Variants in PEMT observed in about 807,000 individuals in gnomAD.
PEMT encodes phospholipid methyltransferase.
Under a neutral mutation model 27.4 loss-of-function variants are expected in PEMT, and 23 were observed. The observed-to-expected ratio is 0.84, with a 90% CI of 0.60 to 1.19. The LOEUF is 1.19. Among genes scored for constraint, PEMT ranks in the 50% most tolerant of loss-of-function variants. The probability of loss-of-function intolerance (pLI) is 0.00; values close to 1 mark genes in which losing one functional copy is unlikely to be tolerated. For synonymous variants in PEMT, 137 were observed against 139.1 expected, an observed-to-expected ratio of 0.98 and a Z score of 0.11; for missense variants, 307 against 310.1, an observed-to-expected ratio of 0.99 and a Z score of 0.07.
chr17:17,549,822 C>T (rs1299925656), intron 2 of PEMT, among the ~76,000 whole-genome samples: 1 of 152,224 alleles, frequency 6.6e-6, no homozygotes, highest in Non-Finnish European at 1.5e-5. Context: ...GGGGCTGCCA[C>T]AGCTTTTCAG....
intron 1 of PEMT, among the ~76,000 whole-genome samples, chr17:17,578,265 G>T (rs2142747953): frequency 6.6e-6 from 1 of 151,738 alleles, no homozygotes; most frequent in Admixed American, 6.6e-5. Context: ...GAACTCCTGG[G>T]CTCACTTTGG....
At chr17:17,541,964 C>A (rs889152571) in intron 2 of PEMT, among the ~76,000 whole-genome samples, 3 of 152,224 alleles carry the variant, frequency 2.0e-5, no homozygotes, top group African/African-American at 7.2e-5. Context: ...GCACAGCCCA[C>A]CTTCCTCTTT....
At chr17:17,577,080 G>T in intron 1 of PEMT, 53 bp from the exon 2 acceptor site, 1 of 1,365,414 alleles carries the variant, frequency 7.3e-7, no homozygotes, top group South Asian at 1.2e-5. Flanking sequence ...GGGCCTGTGA[G>T]CCCCCAGGAG....
intron 1 of PEMT, 104 bp downstream of exon 1, chr17:17,591,427 T>C: frequency 4.3e-6 from 3 of 693,000 alleles, no homozygotes; most frequent in Admixed American, 3.4e-5. Flanking sequence ...GCCTGGGAAC[T>C]GGCGGCCCCG....
chr17:17,510,498 T>C (rs962170201), intron 4 of PEMT, among the ~76,000 whole-genome samples: 1 of 152,140 alleles, frequency 6.6e-6, no homozygotes, highest in African/African-American at 2.4e-5. Context: ...GTCCAGGAGC[T>C]TCATCACCAT....
chr17:17,591,651 A>ACGCGGGCCCCGCTGCAGC lies in PEMT; in HGVS notation c.-43_-26dup. 1 of 1,601,636 alleles carries ACGCGGGCCCCGCTGCAGC rather than the reference A, an allele frequency of 6.2e-7. No individual in the cohort carries two copies. The highest frequency in any genetic ancestry group is 8.5e-7 in the Non-Finnish European group (1 of 1,174,596). ...TCCGGGGGCCGCCTCAGGAGGCACC[A>ACGCGGGCCCCGCTGCAGC]CGCGGGCCCCGCTGCAGCCACGCGC... On this transcript the variant is annotated 5_prime_UTR_variant, in exon 1 of 7. Transcript: ENST00000255389.
chr17:17,583,318 G>A (rs1428673723), intron 1 of PEMT, among the ~76,000 whole-genome samples: 1 of 152,200 alleles, frequency 6.6e-6, no homozygotes, highest in African/African-American at 2.4e-5. Flanking sequence ...GGAGATTGCA[G>A]TGAGCCGAGA....
intron 5 of PEMT, among the ~76,000 whole-genome samples, chr17:17,509,080 A>G (rs780003590): frequency 1.3e-5 from 2 of 152,280 alleles, no homozygotes; most frequent in Non-Finnish European, 2.9e-5. Context: ...TTTAGGCTTC[A>G]GTGTCTGTAA....
chr17:17,507,429 C>G lies in PEMT; in HGVS notation c.579-1128G>C, dbSNP rs1025191680. 5.2e-6 allele frequency: 3 copies of G among 577,808 alleles called. No individual in the cohort carries two copies. In the African/African-American group the frequency reaches 5.6e-5, roughly 11 times the overall value. 35.8% of individuals were successfully genotyped at this position (577,808 alleles called of 1,614,324 possible). A position where few individuals can be genotyped will look rare whatever the true frequency, so the allele number is the denominator to read the frequency against. On this transcript the variant is annotated intron_variant, in intron 5 of 6. Coordinates refer to ENST00000255389, the MANE Select transcript of PEMT (RefSeq NM_148172.3). ...CACCTGTGGACCCCGTGGGGACCCT[C>G]TGCCCTGCCCACTGCCTTCCACCCC... is the stretch of plus-strand genomic sequence containing the variant.
rs1228430740 is a variant in PEMT at position 17,576,481 on chromosome 17, T to C, written c.204+439A>G. On this transcript the variant is annotated intron_variant, in intron 2 of 6. Transcript: ENST00000255389. ...CCTCATGTGGGAAAAATAACCATGT[T>C]TGTGGAACACACGAGGGGTGGGAGA... Among the ~76,000 whole-genome samples, 3 of 152,200 alleles carry C rather than the reference T, an allele frequency of 2.0e-5. No individual in the cohort carries two copies. The East Asian group carries it at 5.8e-4, about 29-fold the overall frequency.
chr17:17,536,537 G>C (rs1197216553), intron 2 of PEMT, among the ~76,000 whole-genome samples: 1 of 152,204 alleles, frequency 6.6e-6, no homozygotes, highest in Non-Finnish European at 1.5e-5. Flanking sequence ...GGAGCCCCAG[G>C]GTTGCTTGTT....
At chr17:17,550,353 A>G (rs1909563915) in intron 2 of PEMT, among the ~76,000 whole-genome samples, 1 of 152,158 alleles carries the variant, frequency 6.6e-6, no homozygotes, top group South Asian at 2.1e-4. Context: ...CGAATTTGAA[A>G]CAAGAGTCCA....
intron 2 of PEMT, among the ~76,000 whole-genome samples, chr17:17,562,047 C>T (rs913811746): frequency 3.3e-5 from 5 of 152,334 alleles, no homozygotes; most frequent in South Asian, 2.1e-4. Context: ...GCAAGGCTGG[C>T]GTTCCGGCCC....
rs1234973886 is a variant in PEMT at position 17,524,600 on chromosome 17, C to T, written c.205-2205G>A. 2.3e-5 allele frequency among the ~76,000 whole-genome samples: 3 copies of T among 129,344 alleles called. No individual in the cohort carries two copies. The South Asian group carries it at 7.4e-4, about 32-fold the overall frequency. 84.9% of individuals were successfully genotyped at this position (129,344 alleles called of 152,430 possible). On this transcript the variant is annotated intron_variant, in intron 2 of 6. Coordinates refer to ENST00000255389, the MANE Select transcript of PEMT (RefSeq NM_148172.3). ...GAGACATAGTGAGACCCTGTCTCTC[C>T]AAAAAAAAAAAAAAATAATAAAAAA...
chr17:17,576,102 C>T (rs1317974123), intron 2 of PEMT, among the ~76,000 whole-genome samples: 1 of 152,112 alleles, frequency 6.6e-6, no homozygotes, highest in Non-Finnish European at 1.5e-5. Context: ...ACCACCCACT[C>T]CCCCAGCAGG....
chr17:17,571,937 G>A (rs1214555112), intron 2 of PEMT, among the ~76,000 whole-genome samples: 1 of 152,162 alleles, frequency 6.6e-6, no homozygotes, highest in East Asian at 1.9e-4. Flanking sequence ...GGGCTCAAGC[G>A]ATCCGCCTGC....
intron 3 of PEMT, among the ~76,000 whole-genome samples, chr17:17,518,626 G>T (rs1567673420): frequency 6.6e-6 from 1 of 152,242 alleles, no homozygotes; most frequent in Non-Finnish European, 1.5e-5. Context: ...TGGCAGGTCA[G>T]CTGCTGGTGG....
chr17:17,591,939 G>A, upstream of PEMT: 2 of 985,422 alleles, frequency 2.0e-6, no homozygotes, highest in Non-Finnish European at 2.4e-6. Context: ...TTTGGTCGCC[G>A]GCTGCCGCAC....
intron 5 of PEMT, chr17:17,508,247 A>C (rs1861390441): frequency 6.6e-6 from 1 of 152,636 alleles, no homozygotes; most frequent in Admixed American, 6.5e-5. Context: ...CTGTGGCCCC[A>C]GTGGGGGTGC....
Sources: gnomAD v4.1 joint callset for allele counts (sites outside exome capture counted in the v4.1 genomes callset) on GRCh38, gnomAD v4.1.1 for gene constraint, MANE v1.5 for transcripts, NCBI Gene and HGNC (gene_info 2026-07-23, HGNC 2026-07-21) for gene names.